Variants in COMMD8 observed in about 807,000 individuals in gnomAD.
COMMD8 encodes the protein COMM domain-containing protein 8.
A neutral mutation model predicts 27.2 loss-of-function variants in COMMD8; 28 were observed. The observed-to-expected ratio is 1.03, with a 90% CI of 0.76 to 1.41. The LOEUF (loss-of-function observed/expected upper bound fraction) is 1.41, where lower values mean the gene tolerates loss of function less well. Ranked by LOEUF, COMMD8 falls within the 40% of genes most tolerant of loss-of-function variation. The probability of loss-of-function intolerance (pLI) is 0.00; values close to 1 mark genes in which losing one functional copy is unlikely to be tolerated. For synonymous variants in COMMD8, 79 were observed against 75.5 expected (o/e 1.05, Z -0.24); for missense variants, 217 against 211.2 (o/e 1.03, Z -0.17).
At chr4:47,457,459 T>C (rs1729924258) in intron 2 of COMMD8, among the ~76,000 whole-genome samples, 1 of 152,026 alleles carries the variant, frequency 6.6e-6, no homozygotes, top group African/African-American at 2.4e-5. Context: ...TCAATGAGGA[T>C]ATAGAAGAAT....
chr4:47,452,856 C>T (rs1729786747), intron 4 of COMMD8, among the ~76,000 whole-genome samples: 2 of 152,062 alleles, frequency 1.3e-5, no homozygotes, highest in Non-Finnish European at 2.9e-5. Context: ...ATTAGCCAGG[C>T]CTGGTGGCAG....
chr4:47,451,690 ATATCAGGT>A, intron 4 of COMMD8, 25 bp from the exon 5 acceptor site: 3 of 1,552,940 alleles, frequency 1.9e-6, no homozygotes, highest in Middle Eastern at 3.4e-4. Flanking sequence ...TGAAGAGAAA[ATATCAGGT>A]TATACAAGAC....
chr4:47,452,478 G>C (rs1377254040), intron 4 of COMMD8, among the ~76,000 whole-genome samples: 1 of 151,982 alleles, frequency 6.6e-6, no homozygotes, highest in Non-Finnish European at 1.5e-5. Flanking sequence ...TCATTAACGA[G>C]CATTGCAGCA....
rs1434174433 is a variant in COMMD8, at chr4:47,453,317, G to A, written c.376-103C>T. On this transcript the variant is annotated intron_variant, in intron 3 of 4. Coordinates refer to ENST00000381571, the MANE Select transcript of COMMD8 (RefSeq NM_017845.5). ...AGTACATTTTTTAAAAGTACTGTTT[G>A]CTGTTGAGTATAGAGAAAGGTGAAA... 3.5e-6 allele frequency: 3 copies of A among 853,662 alleles called. No individual in the cohort carries two copies. In the African/African-American group the frequency reaches 5.1e-5, roughly 15 times the overall value. 52.9% of individuals were successfully genotyped at this position (853,662 alleles called of 1,614,324 possible). A position where few individuals can be genotyped will look rare whatever the true frequency, so the allele number is the denominator to read the frequency against.
chr4:47,456,790 C>A, intron 2 of COMMD8, 61 bp from the exon 3 acceptor site: 1 of 1,305,498 alleles, frequency 7.7e-7, no homozygotes, highest in South Asian at 1.4e-5. Flanking sequence ...CACAATTCCA[C>A]TCTCCTTTTG....
intron 3 of COMMD8, among the ~76,000 whole-genome samples, chr4:47,454,266 T>C (rs904047837): frequency 2.0e-5 from 3 of 152,232 alleles, no homozygotes; most frequent in Non-Finnish European, 2.9e-5. Context: ...TTGCAAATAA[T>C]ATACGTTAGT....
At chr4:47,452,246 A>G (rs1388034235) in intron 4 of COMMD8, among the ~76,000 whole-genome samples, 1 of 152,206 alleles carries the variant, frequency 6.6e-6, no homozygotes, top group Admixed American at 6.5e-5. Flanking sequence ...TCCATTGTAA[A>G]TGTGAAGTTT....
intron 1 of COMMD8, among the ~76,000 whole-genome samples, chr4:47,462,647 G>A (rs1445898928): frequency 2.0e-5 from 3 of 152,090 alleles, no homozygotes; most frequent in Non-Finnish European, 2.9e-5. Flanking sequence ...TATCTAAATG[G>A]GTAGAGTGAA....
At position 47,451,428 on chromosome 4, in the gene COMMD8, T is replaced by C. The variant is rs1729748272; in HGVS notation, c.*217A>G. The C allele has an allele frequency of 4.3e-6, 2 of 467,390 alleles. No individual in the cohort carries two copies. Among genetic ancestry groups the C allele is most frequent in the African/African-American group, 2.1e-5 (1 of 48,318 alleles). The allele number at this position is 467,390 out of a possible 1,614,324, so 29.0% of individuals were successfully genotyped here. A position where few individuals can be genotyped will look rare whatever the true frequency, so the allele number is the denominator to read the frequency against. The stretch of plus-strand genomic sequence containing the variant: ...ATCATGAAAATATAAACTGCTACTA[T>C]AGATTTTTCATCTTTCATTTTATGC... On this transcript the variant is annotated 3_prime_UTR_variant, in exon 5 of 5. Coordinates refer to ENST00000381571, the MANE Select transcript of COMMD8 (RefSeq NM_017845.5).
At position 47,451,511 on chromosome 4, in the gene COMMD8, TA is replaced by T. The variant is rs1476196065; in HGVS notation, c.*133del. ...GAATGTTGATAAATTTTTATCTTTA[TA>T]ATATCAATATTGCTGCTTTCTCAGC... On this transcript the variant is annotated 3_prime_UTR_variant, in exon 5 of 5. Transcript: ENST00000381571. 3.1e-5 allele frequency: 21 copies of T among 671,934 alleles called. No homozygotes were observed. Among genetic ancestry groups the T allele is most frequent in the Admixed American group, 6.0e-5 (2 of 33,318 alleles). 41.6% of individuals were successfully genotyped at this position (671,934 alleles called of 1,614,324 possible). A position where few individuals can be genotyped will look rare whatever the true frequency, so the allele number is the denominator to read the frequency against.
In COMMD8 at chr4:47,456,689, T is replaced by G. The variant is rs756675294; in HGVS notation, c.263A>C (p.Glu88Ala). ...QLNQLNSLHQ[E>A]TIMKCVKSRK... ...ACTTTTCACGCATTTCATGATAGTT[T>G]CTTGATGAAGTGAATTCAACTGATT... Residue 88 changes from glutamate (E) to alanine (A), a missense_variant, in exon 3 of 5, where the codon GAA (glutamate) becomes GCA (alanine). By Grantham distance (107) the Glu-to-Ala change is moderately radical (BLOSUM62 -1). Transcript: ENST00000381571. The G allele has an allele frequency of 6.2e-7, 1 of 1,607,638 alleles. No individual in the cohort carries two copies. The highest frequency in any genetic ancestry group is 1.1e-5 in the South Asian group (1 of 89,538).
chr4:47,457,930 T>C (rs1001862995), intron 2 of COMMD8, among the ~76,000 whole-genome samples: 3 of 151,076 alleles, frequency 2.0e-5, no homozygotes, highest in East Asian at 3.9e-4. Context: ...TCAAGAGATA[T>C]ATAAAAAAAA....
intron 1 of COMMD8, among the ~76,000 whole-genome samples, chr4:47,462,872 C>T (rs1020520205): frequency 5.3e-5 from 8 of 152,066 alleles, no homozygotes; most frequent in African/African-American, 1.9e-4. Context: ...CTGTCTCCTC[C>T]ACACTTTCTC....
rs1183220133 is a variant in COMMD8, at chr4:47,451,343, T to C, written c.*302A>G. On this transcript the variant is annotated 3_prime_UTR_variant, in exon 5 of 5. Transcript: ENST00000381571. ...CATTACTTTAGAACCTATTTTTAGCTTTCAATAAAACTATGTATCTCCAAA... is the reference window on the plus strand; with the variant it reads ...CATTACTTTAGAACCTATTTTTAGCCTTCAATAAAACTATGTATCTCCAAA... The C allele has an allele frequency of 1.8e-5, 6 of 326,884 alleles. No homozygotes were observed. The highest frequency in any genetic ancestry group is 1.3e-4 in the African/African-American group (6 of 44,868). The allele number at this position is 326,884 out of a possible 1,614,324, so 20.2% of individuals were successfully genotyped here.
In COMMD8 at chr4:47,451,089, T is replaced by C. The variant is rs1352826747; in HGVS notation, c.*556A>G. 1 of 152,362 alleles carries C rather than the reference T, an allele frequency of 6.6e-6. No homozygotes were observed. The highest frequency in any genetic ancestry group is 1.5e-5 in the Non-Finnish European group (1 of 68,138). 9.4% of individuals were successfully genotyped at this position (152,362 alleles called of 1,614,324 possible). A position where few individuals can be genotyped will look rare whatever the true frequency, so the allele number is the denominator to read the frequency against. ...TGTTCACATAAGTTTAGAGTATTTGTTCTTGTTTATCTCTGACAAAGAGGT... is the reference window on the plus strand; with the variant it reads ...TGTTCACATAAGTTTAGAGTATTTGCTCTTGTTTATCTCTGACAAAGAGGT... On this transcript the variant is annotated 3_prime_UTR_variant, in exon 5 of 5. Coordinates refer to ENST00000381571, the MANE Select transcript of COMMD8 (RefSeq NM_017845.5).
At chr4:47,460,656 C>T (rs1365936032) in intron 1 of COMMD8, among the ~76,000 whole-genome samples, 1 of 152,052 alleles carries the variant, frequency 6.6e-6, no homozygotes, top group Non-Finnish European at 1.5e-5. Context: ...CTTCATTTTG[C>T]TTTGCCTCCA....
chr4:47,455,244 G>C (rs980293573), intron 3 of COMMD8, among the ~76,000 whole-genome samples: 2 of 152,102 alleles, frequency 1.3e-5, no homozygotes, highest in Admixed American at 1.3e-4. Context: ...TCAAACTCCT[G>C]GCCTCAAGTG....
chr4:47,456,575 A>G lies in COMMD8; in HGVS notation c.375+2T>C. The G allele has an allele frequency of 6.2e-7, 1 of 1,602,344 alleles. No individual in the cohort carries two copies. Among genetic ancestry groups the G allele is most frequent in the Non-Finnish European group, 8.5e-7 (1 of 1,175,300 alleles). On this transcript the variant is annotated splice_donor_variant, in intron 3 of 4. Transcript: ENST00000381571. LOFTEE classifies it high-confidence loss of function. ...AAAATACACATACTCATAGACTCTT[A>G]CCTTTACCTGCCAATCAAAATCCTG...
chr4:47,460,278 C>T lies in COMMD8; in HGVS notation c.88G>A (p.Gly30Ser), dbSNP rs1729991838. The T allele has an allele frequency of 6.2e-7, 1 of 1,609,894 alleles. No homozygotes were observed. The highest frequency in any genetic ancestry group is 8.5e-7 in the Non-Finnish European group (1 of 1,178,556). The change falls in exon 2 of 5, where the codon GGC (glycine) becomes AGC (serine). Residue 30 changes from glycine (G) to serine (S), a missense_variant. Transcript: ENST00000381571. ...GPQLLHKIID[G>S]ICGRAYPVYQ... ...ACAGGATAAGCTCGACCACAAATGCCATCAATTATTTTGTGAAGAAGCTAG... is the reference window on the plus strand; with the variant it reads ...ACAGGATAAGCTCGACCACAAATGCTATCAATTATTTTGTGAAGAAGCTAG...
Sources: gnomAD v4.1 joint callset for allele counts (sites outside exome capture counted in the v4.1 genomes callset) on GRCh38, gnomAD v4.1.1 for gene constraint, MANE v1.5 for transcripts, NCBI Gene and HGNC (gene_info 2026-07-23, HGNC 2026-07-21) for gene names.